Variants in BBS9 observed in about 807,000 individuals in gnomAD.
BBS9 encodes the protein protein PTHB1.
Under a neutral mutation model 117.7 loss-of-function variants are expected in BBS9, and 89 were observed. The ratio of observed to expected loss-of-function variants is 0.76; its 90% CI spans 0.64 to 0.90. The LOEUF (loss-of-function observed/expected upper bound fraction) is 0.90. Among genes scored for constraint, BBS9 ranks in the 40% least tolerant of loss-of-function variants. The pLI is 0.00. For synonymous variants in BBS9, 379 were observed against 370.9 expected, an observed-to-expected ratio of 1.02 and a Z score of -0.25; for missense variants, 982 against 1,042.2, an observed-to-expected ratio of 0.94 and a Z score of 0.80.
intron 1 of BBS9, among the ~76,000 whole-genome samples, chr7:33,143,079 C>T (rs1017938801): frequency 6.6e-6 from 1 of 151,976 alleles, no homozygotes; most frequent in South Asian, 2.1e-4. Context: ...ATGGCATTCT[C>T]TTGCCTTAGC....
chr7:33,225,055 G>T (rs1326073951), intron 5 of BBS9, among the ~76,000 whole-genome samples: 1 of 152,114 alleles, frequency 6.6e-6, no homozygotes, highest in Admixed American at 6.6e-5. Flanking sequence ...ATGCTTTGTT[G>T]TTTCCCTGTT....
intron 21 of BBS9, among the ~76,000 whole-genome samples, chr7:33,559,904 C>G (rs1855841753): frequency 6.6e-6 from 1 of 152,100 alleles, no homozygotes. Context: ...TCTCCCTGAT[C>G]CTGGGCATAT....
intron 19 of BBS9, among the ~76,000 whole-genome samples, chr7:33,492,010 G>A (rs1843986089): frequency 6.6e-6 from 1 of 151,754 alleles, no homozygotes; most frequent in African/African-American, 2.4e-5. Context: ...GACCAGCCTG[G>A]CCAACATGTT....
intron 21 of BBS9, among the ~76,000 whole-genome samples, chr7:33,579,842 T>A (rs1380655922): frequency 6.6e-6 from 1 of 152,190 alleles, no homozygotes; most frequent in African/African-American, 2.4e-5. Context: ...GATGAATTCA[T>A]TCATTTGGGA....
chr7:33,454,119 C>G (rs75344586), intron 19 of BBS9, among the ~76,000 whole-genome samples: 1 of 152,106 alleles, frequency 6.6e-6, no homozygotes, highest in African/African-American at 2.4e-5. Context: ...GCCTCTGGTC[C>G]TCCCCCATCT....
intron 20 of BBS9, among the ~76,000 whole-genome samples, chr7:33,530,766 A>G (rs1339300852): frequency 6.6e-6 from 1 of 152,112 alleles, no homozygotes; most frequent in Non-Finnish European, 1.5e-5. Context: ...GGTCTCTTGA[A>G]TCTGTTGAAA....
At chr7:33,299,923 A>G (rs1176284322) in intron 9 of BBS9, among the ~76,000 whole-genome samples, 2 of 152,156 alleles carry the variant, frequency 1.3e-5, no homozygotes, top group Non-Finnish European at 2.9e-5. Context: ...CTTCCATGCT[A>G]TAAATTGGCA....
intron 19 of BBS9, among the ~76,000 whole-genome samples, chr7:33,499,357 T>C (rs1394889713): frequency 1.3e-5 from 2 of 152,224 alleles, no homozygotes; most frequent in Admixed American, 1.3e-4. Flanking sequence ...AAGTCAGGAC[T>C]AGAAGCTCTG....
chr7:33,266,162 G>A (rs1798781253), intron 7 of BBS9, among the ~76,000 whole-genome samples: 1 of 152,158 alleles, frequency 6.6e-6, no homozygotes, highest in Admixed American at 6.5e-5. Flanking sequence ...CTCACACTGA[G>A]GATGTATTCT....
intron 19 of BBS9, among the ~76,000 whole-genome samples, chr7:33,484,218 G>A (rs1161078461): frequency 6.6e-6 from 1 of 152,180 alleles, no homozygotes; most frequent in East Asian, 1.9e-4. Context: ...GTCAGCTCAT[G>A]AGTAATCAGG....
chr7:33,129,489 C>T (rs1789249591), upstream of BBS9: 2 of 190,018 alleles, frequency 1.1e-5, no homozygotes, highest in Non-Finnish European at 2.2e-5. Flanking sequence ...GCGCCTCAGC[C>T]TCTCTGGACT....
At chr7:33,272,101 G>A (rs921359682) in intron 7 of BBS9, among the ~76,000 whole-genome samples, 1 of 152,148 alleles carries the variant, frequency 6.6e-6, no homozygotes, top group African/African-American at 2.4e-5. Context: ...AAACATGGAT[G>A]GAGCTGGAGG....
chr7:33,301,211 G>T (rs1252060644), intron 9 of BBS9, among the ~76,000 whole-genome samples: 1 of 151,594 alleles, frequency 6.6e-6, no homozygotes, highest in Non-Finnish European at 1.5e-5. Flanking sequence ...AGGATAAATG[G>T]GATATCTACA....
intron 19 of BBS9, among the ~76,000 whole-genome samples, chr7:33,404,917 T>C (rs1829637264): frequency 6.6e-6 from 1 of 152,074 alleles, no homozygotes. Context: ...ATCCCTGTCT[T>C]GTGCCAGTTT....
chr7:33,167,403 CTTTTTT>C (rs1202170784), intron 4 of BBS9, among the ~76,000 whole-genome samples: 228 of 134,238 alleles, frequency 1.7e-3, no homozygotes, highest in Admixed American at 5.0e-3. Context: ...TCTGAGAATT[CTTTTTT>C]TTTTTTTTTT....
intron 11 of BBS9, among the ~76,000 whole-genome samples, chr7:33,343,281 T>C (rs1816888320): frequency 6.6e-6 from 1 of 152,208 alleles, no homozygotes. Context: ...CTTAGTCTTA[T>C]TCTATCATAG....
At chr7:33,424,535 G>T (rs927964943) in intron 19 of BBS9, among the ~76,000 whole-genome samples, 2 of 151,878 alleles carry the variant, frequency 1.3e-5, no homozygotes, top group African/African-American at 4.8e-5. Context: ...CTCTTGTAAT[G>T]TGTGAGAACT....
intron 19 of BBS9, chr7:33,390,580 G>A: frequency 4.1e-6 from 4 of 965,562 alleles, no homozygotes; most frequent in Non-Finnish European, 4.9e-6. Context: ...GTATATATTT[G>A]TAATAAATGA....
At chr7:33,139,901 T>C (rs1322048279) in intron 1 of BBS9, among the ~76,000 whole-genome samples, 1 of 152,162 alleles carries the variant, frequency 6.6e-6, no homozygotes, top group Admixed American at 6.5e-5. Context: ...TCAGGAGCAC[T>C]TGATACAGTT....
Sources: gnomAD v4.1 joint callset for allele counts (sites outside exome capture counted in the v4.1 genomes callset) on GRCh38, gnomAD v4.1.1 for gene constraint, MANE v1.5 for transcripts, NCBI Gene and HGNC (gene_info 2026-07-23, HGNC 2026-07-21) for gene names.